The following SUZ12 variants were observed in gnomAD, a reference collection of about 807,000 sequenced individuals.
The protein encoded by SUZ12 is polycomb protein SUZ12.
A neutral mutation model predicts 87.3 loss-of-function variants in SUZ12; 17 were observed. The ratio of observed to expected loss-of-function variants is 0.19; its 90% CI spans 0.13 to 0.29. The LOEUF (loss-of-function observed/expected upper bound fraction) is 0.29, where lower values mean the gene tolerates loss of function less well. Among genes scored for constraint, SUZ12 ranks in the 10% least tolerant of loss-of-function variants. SUZ12 has a pLI of 1.00. For synonymous variants in SUZ12, 253 were observed against 312.4 expected, an observed-to-expected ratio of 0.81 and a Z score of 2.01; for missense variants, 526 against 912.2, an observed-to-expected ratio of 0.58 and a Z score of 5.45.
At chr17:31,995,846 G>T (rs1909948772) in intron 14 of SUZ12, 84 bp downstream of exon 14, 25 of 937,800 alleles carry the variant, frequency 2.7e-5, no homozygotes, top group South Asian at 9.0e-5. Context: ...GACTTTTATT[G>T]TAAAGGAACT....
chr17:31,979,103 CAAAAAAAAA>C (rs61307349), intron 8 of SUZ12, among the ~76,000 whole-genome samples: 8 of 65,262 alleles, frequency 1.2e-4, no homozygotes, highest in Non-Finnish European at 2.3e-4. Flanking sequence ...ACTGTGTCTC[CAAAAAAAAA>C]AAAAAAAAAA....
intron 8 of SUZ12, among the ~76,000 whole-genome samples, chr17:31,979,224 T>G (rs999178846): frequency 3.9e-5 from 6 of 152,192 alleles, no homozygotes; most frequent in African/African-American, 9.6e-5. Flanking sequence ...TTTGCCACAT[T>G]TGATTTATTT....
intron 10 of SUZ12, among the ~76,000 whole-genome samples, chr17:31,992,940 C>T (rs1293267348): frequency 2.6e-5 from 4 of 151,994 alleles, no homozygotes; most frequent in African/African-American, 9.7e-5. Flanking sequence ...CTCCTGACAT[C>T]GTAATCCTCC....
At chr17:31,960,162 C>T (rs1907610314) in intron 4 of SUZ12, among the ~76,000 whole-genome samples, 1 of 152,042 alleles carries the variant, frequency 6.6e-6, no homozygotes, top group Non-Finnish European at 1.5e-5. Flanking sequence ...TGGAACAAAC[C>T]ACCTATGGAA....
chr17:31,990,455 C>G (rs941266615), intron 10 of SUZ12, among the ~76,000 whole-genome samples: 11 of 151,686 alleles, frequency 7.3e-5, no homozygotes, highest in African/African-American at 2.7e-4. Context: ...CCTCCGCCTC[C>G]CGGTTTGAAG....
At position 32,000,213 on chromosome 17, in the gene SUZ12, T is replaced by C. The variant is rs1432572713; in HGVS notation, c.*1210T>C. 8.6e-6 allele frequency: 2 copies of C among 233,148 alleles called. No individual in the cohort carries two copies. The highest frequency in any genetic ancestry group is 1.2e-4 in the East Asian group (2 of 16,470). 14.4% of individuals were successfully genotyped at this position (233,148 alleles called of 1,614,324 possible). On this transcript the variant is annotated 3_prime_UTR_variant, in exon 16 of 16. Coordinates refer to ENST00000322652, the MANE Select transcript of SUZ12 (RefSeq NM_015355.4). ...AGATATTGCATTTTCATATTCTTTA[T>C]TTATAAAGGATCAATGCTGCTGTAA...
intron 4 of SUZ12, among the ~76,000 whole-genome samples, chr17:31,949,913 G>C (rs1204479146): frequency 1.3e-5 from 2 of 151,782 alleles, no homozygotes; most frequent in Admixed American, 6.6e-5. Context: ...GAACTCCTGA[G>C]CTCAAGTGAT....
chr17:31,947,683 T>A lies in SUZ12; in HGVS notation c.453T>A (p.His151Gln). The change falls in exon 4 of 16, where the codon CAT (histidine) becomes CAA (glutamine). Residue 151 changes from histidine to glutamine, a missense_variant and splice_region_variant. Coordinates refer to ENST00000322652, the MANE Select transcript of SUZ12 (RefSeq NM_015355.4). ...VEKMKGEQESHSLSAHLQLTF... is the reference protein window; with the variant it reads ...VEKMKGEQESQSLSAHLQLTF... ...AAATGAAAGGAGAGCAAGAATCTCA[T>A]AGGTAAGATAATCTATCAGTTTACA... The A allele has an allele frequency of 6.2e-7, 1 of 1,607,446 alleles. No homozygotes were observed. Among genetic ancestry groups the A allele is most frequent in the South Asian group, 1.1e-5 (1 of 90,562 alleles).
intron 4 of SUZ12, among the ~76,000 whole-genome samples, chr17:31,957,942 G>A (rs1488659283): frequency 8.2e-6 from 1 of 122,102 alleles, no homozygotes; most frequent in Admixed American, 1.1e-4. Context: ...TTGCTCTGTC[G>A]CCCAGGCTGG....
At chr17:31,942,227 GT>G (rs1906342716) in intron 3 of SUZ12, among the ~76,000 whole-genome samples, 1 of 151,986 alleles carries the variant, frequency 6.6e-6, no homozygotes. Context: ...AACTATATTT[GT>G]TACGTAAAAT....
chr17:31,985,736 C>T (rs1411646445), intron 9 of SUZ12, among the ~76,000 whole-genome samples: 1 of 151,438 alleles, frequency 6.6e-6, no homozygotes, highest in Non-Finnish European at 1.5e-5. Context: ...GATCTTGGCT[C>T]ACTGCAACCT....
chr17:31,966,334 TTAAGG>T (rs1160316578), intron 5 of SUZ12, 138 bp downstream of exon 5: 1 of 790,362 alleles, frequency 1.3e-6, no homozygotes, highest in Non-Finnish European at 2.0e-6. Flanking sequence ...TTTTTGAACT[TTAAGG>T]TATGAAGGCT....
chr17:31,981,156 A>C (rs1184727457), intron 8 of SUZ12, among the ~76,000 whole-genome samples: 1 of 152,224 alleles, frequency 6.6e-6, no homozygotes, highest in Non-Finnish European at 1.5e-5. Flanking sequence ...AAAAGCCACC[A>C]TAACCAAAGT....
chr17:31,937,049 G>C lies in SUZ12; in HGVS notation c.-198G>C, dbSNP rs1411752798. On this transcript the variant is annotated 5_prime_UTR_variant, in exon 1 of 16. Coordinates refer to ENST00000322652, the MANE Select transcript of SUZ12 (RefSeq NM_015355.4). ...GGGTGAGCGGCCTCCGAAGCGGAGC[G>C]GGGCTCTGAGGAGACACTTTTTTTT... 6.6e-6 allele frequency: 3 copies of C among 453,718 alleles called. No homozygotes were observed. Among genetic ancestry groups the C allele is most frequent in the Non-Finnish European group, 1.1e-5 (3 of 268,884 alleles). The allele number at this position is 453,718 out of a possible 1,614,324, so 28.1% of individuals were successfully genotyped here. A position where few individuals can be genotyped will look rare whatever the true frequency, so the allele number is the denominator to read the frequency against.
intron 5 of SUZ12, among the ~76,000 whole-genome samples, chr17:31,969,738 A>G (rs1174382412): frequency 6.6e-6 from 1 of 152,166 alleles, no homozygotes; most frequent in Non-Finnish European, 1.5e-5. Flanking sequence ...ACCAACATCA[A>G]GTTCTCTAAA....
intron 12 of SUZ12, 129 bp from the exon 13 acceptor site, chr17:31,994,435 T>C (rs894802020): frequency 4.7e-5 from 37 of 780,970 alleles, no homozygotes; most frequent in Non-Finnish European, 4.4e-5. Flanking sequence ...ACTGCCTGTT[T>C]ACCATGCTGG....
Position 31,998,715 on chromosome 17 carries a change from A to G in SUZ12, c.1932A>G (p.Gly644=), listed in dbSNP as rs138328609. Residue 644 remains glycine (G), a synonymous_variant, in exon 16 of 16, where the codon GGA becomes GGG. Coordinates refer to ENST00000322652, the MANE Select transcript of SUZ12 (RefSeq NM_015355.4). The part of the protein sequence containing the change: ...HACMLFVENY[G]QKIIKKNLCR... ...GTATGCTGTTTGTAGAAAATTATGG[A>G]CAGAAAATAATTAAGAAGAATTTAT... The G allele has an allele frequency of 2.5e-6, 4 of 1,600,108 alleles. No homozygotes were observed. The East Asian group carries it at 9.0e-5, about 36-fold the overall frequency.
At position 31,988,595 on chromosome 17, in the gene SUZ12, TTC is replaced by T. The variant is rs1909535178; in HGVS notation, c.1201+100_1201+101del. On this transcript the variant is annotated intron_variant, in intron 10 of 15. Coordinates refer to ENST00000322652, the MANE Select transcript of SUZ12 (RefSeq NM_015355.4). ...ATTTGTGTTTTGCTTTATGTGATTC[TTC>T]TTTTTTTTTTTTTGAGATGGAGTCT... 8.8e-6 allele frequency: 11 copies of T among 1,256,992 alleles called. No homozygotes were observed. The Admixed American group carries it at 2.2e-4, about 25-fold the overall frequency. The allele number at this position is 1,256,992 out of a possible 1,614,324, so 77.9% of individuals were successfully genotyped here.
chr17:31,982,893 G>T (rs1361808493), intron 8 of SUZ12, 106 bp from the exon 9 acceptor site: 8 of 1,375,398 alleles, frequency 5.8e-6, no homozygotes, highest in Non-Finnish European at 7.8e-6. Flanking sequence ...ATGTAAGCTA[G>T]TTTATAAATT....
Sources: gnomAD v4.1 joint callset for allele counts (sites outside exome capture counted in the v4.1 genomes callset) on GRCh38, gnomAD v4.1.1 for gene constraint, MANE v1.5 for transcripts, NCBI Gene and HGNC (gene_info 2026-07-23, HGNC 2026-07-21) for gene names.